Variants in NRXN3 observed in about 807,000 individuals in gnomAD.
NRXN3 encodes neurexin III.
A neutral mutation model predicts 137.6 loss-of-function variants in NRXN3; 32 were observed. The ratio of observed to expected loss-of-function variants is 0.23; its 90% CI spans 0.18 to 0.31. The LOEUF is 0.31. Among genes scored for constraint, NRXN3 ranks in the 10% least tolerant of loss-of-function variants. The pLI, the probability that NRXN3 is intolerant of heterozygous loss-of-function variation, is 1.00. For synonymous variants in NRXN3, 798 were observed against 784.5 expected (o/e 1.02, Z -0.29); for missense variants, 1,574 against 2,062.5 (o/e 0.76, Z 4.59).
chr14:79,752,379 A>G (rs1263648253), intron 19 of NRXN3, among the ~76,000 whole-genome samples: 1 of 152,180 alleles, frequency 6.6e-6, no homozygotes, highest in African/African-American at 2.4e-5. Context: ...GATATAGATC[A>G]ATGGAACAGA....
At chr14:78,524,493 T>TAA (rs1438599215) in intron 4 of NRXN3, among the ~76,000 whole-genome samples, 6 of 152,330 alleles carry the variant, frequency 3.9e-5, no homozygotes, top group Non-Finnish European at 7.4e-5. Flanking sequence ...GAGGGTTTAT[T>TAA]AAAAACACTG....
At chr14:79,495,128 G>A (rs887215388) in intron 16 of NRXN3, among the ~76,000 whole-genome samples, 12 of 152,140 alleles carry the variant, frequency 7.9e-5, no homozygotes, top group Non-Finnish European at 1.5e-4. Context: ...AGACACAGTA[G>A]TCTAGGACTG....
At chr14:79,217,651 A>G (rs775078562) in intron 15 of NRXN3, among the ~76,000 whole-genome samples, 5 of 152,184 alleles carry the variant, frequency 3.3e-5, no homozygotes, top group Non-Finnish European at 7.3e-5. Flanking sequence ...GTGGTTCTCA[A>G]TCTTTGTGGC....
At chr14:79,588,494 C>T (rs1347074675) in intron 16 of NRXN3, among the ~76,000 whole-genome samples, 1 of 152,198 alleles carries the variant, frequency 6.6e-6, no homozygotes, top group Non-Finnish European at 1.5e-5. Context: ...GCTATTTGAA[C>T]TAAACTGACA....
At chr14:79,535,699 A>G (rs7146075) in intron 16 of NRXN3, among the ~76,000 whole-genome samples, 84,891 of 151,984 alleles carry the variant, frequency 0.56, 27,007 homozygotes, top group Non-Finnish European at 0.71. Flanking sequence ...ATCCATCAGT[A>G]TCACTTGAGG....
chr14:79,692,385 A>G (rs2098719933), intron 18 of NRXN3, 123 bp downstream of exon 18: 1 of 759,780 alleles, frequency 1.3e-6, no homozygotes, highest in South Asian at 1.7e-5. Flanking sequence ...TTTAATTTTC[A>G]TTATAATTTG....
At chr14:79,153,040 C>A (rs2059943063) in intron 15 of NRXN3, among the ~76,000 whole-genome samples, 1 of 151,942 alleles carries the variant, frequency 6.6e-6, no homozygotes, top group African/African-American at 2.4e-5. Context: ...AGGAAGCCAA[C>A]TGATAACTAT....
At chr14:79,450,675 A>T (rs1378198371) in intron 15 of NRXN3, among the ~76,000 whole-genome samples, 1 of 152,102 alleles carries the variant, frequency 6.6e-6, no homozygotes, top group Non-Finnish European at 1.5e-5. Context: ...CCTGGCCAAC[A>T]TGGCGAAAAT....
At chr14:79,617,384 C>G (rs2098168932) in intron 16 of NRXN3, among the ~76,000 whole-genome samples, 1 of 152,120 alleles carries the variant, frequency 6.6e-6, no homozygotes, top group African/African-American at 2.4e-5. Flanking sequence ...GCAGTAGGAT[C>G]AATTTCACCA....
At position 78,277,485 on chromosome 14, in the gene NRXN3, CT is replaced by C. The variant is rs2073770630; in HGVS notation, c.710-1159del. Among the ~76,000 whole-genome samples, 3 of 152,134 alleles carry C rather than the reference CT, an allele frequency of 2.0e-5. No homozygotes were observed. In the South Asian group the frequency reaches 6.2e-4, roughly 32 times the overall value. ...CTAGGATATTTTCTAGTCTGTGCCC[CT>C]GAAGTAGCTGTGTGACCTTATATAA... is the stretch of plus-strand genomic sequence containing the variant. On this transcript the variant is annotated intron_variant, in intron 2 of 20. Coordinates refer to ENST00000335750, the MANE Select transcript of NRXN3 (RefSeq NM_001330195.2).
chr14:78,481,375 G>A (rs565373305), intron 4 of NRXN3, among the ~76,000 whole-genome samples: 2 of 152,048 alleles, frequency 1.3e-5, no homozygotes, highest in African/African-American at 2.4e-5. Flanking sequence ...TTCATGTTTC[G>A]GATTTCCTTC....
intron 16 of NRXN3, among the ~76,000 whole-genome samples, chr14:79,596,220 A>C (rs191652161): frequency 6.6e-6 from 1 of 152,126 alleles, no homozygotes; most frequent in Non-Finnish European, 1.5e-5. Context: ...TAGTTGAGAA[A>C]GGTCATTAAG....
intron 15 of NRXN3, among the ~76,000 whole-genome samples, chr14:79,064,138 A>T (rs978676227): frequency 1.3e-5 from 2 of 152,126 alleles, no homozygotes; most frequent in African/African-American, 2.4e-5. Flanking sequence ...TCTCATAATC[A>T]TCAGTGCTTT....
At chr14:79,814,013 A>G (rs1231588639) in intron 20 of NRXN3, among the ~76,000 whole-genome samples, 1 of 152,260 alleles carries the variant, frequency 6.6e-6, no homozygotes, top group African/African-American at 2.4e-5. Flanking sequence ...TAGCGCATCA[A>G]CTAACCATGG....
At chr14:79,278,055 T>A (rs961741150) in intron 15 of NRXN3, among the ~76,000 whole-genome samples, 1 of 152,196 alleles carries the variant, frequency 6.6e-6, no homozygotes. Flanking sequence ...CAAGGATGAA[T>A]AGGGCTGTCT....
At chr14:79,198,840 G>C (rs2065487990) in intron 15 of NRXN3, among the ~76,000 whole-genome samples, 1 of 152,176 alleles carries the variant, frequency 6.6e-6, no homozygotes, top group Non-Finnish European at 1.5e-5. Context: ...CTGTGAGAAA[G>C]ACTACAAGTA....
At chr14:78,820,839 G>A (rs1195020770) in intron 10 of NRXN3, among the ~76,000 whole-genome samples, 1 of 152,190 alleles carries the variant, frequency 6.6e-6, no homozygotes, top group African/African-American at 2.4e-5. Flanking sequence ...GAGGCAAAAT[G>A]TAATGGAGAT....
chr14:78,877,296 TG>T (rs1240031391), intron 10 of NRXN3, among the ~76,000 whole-genome samples: 1 of 152,166 alleles, frequency 6.6e-6, no homozygotes, highest in African/African-American at 2.4e-5. Context: ...AACATCATGT[TG>T]TTGAATGAAT....
chr14:79,306,248 C>A (rs1007704518), intron 15 of NRXN3, among the ~76,000 whole-genome samples: 8 of 152,176 alleles, frequency 5.3e-5, no homozygotes, highest in South Asian at 2.1e-4. Flanking sequence ...CACAGCCACA[C>A]TATACTGTAT....
Sources: gnomAD v4.1 joint callset for allele counts (sites outside exome capture counted in the v4.1 genomes callset) on GRCh38, gnomAD v4.1.1 for gene constraint, MANE v1.5 for transcripts, NCBI Gene and HGNC (gene_info 2026-07-23, HGNC 2026-07-21) for gene names.